IREB2: variants seen among roughly 807,000 people sequenced by gnomAD.
The protein encoded by IREB2 is iron responsive element binding protein 2.
Under a neutral mutation model 118.8 loss-of-function variants are expected in IREB2, and 39 were observed. The ratio of observed to expected loss-of-function variants is 0.33; its 90% CI spans 0.25 to 0.43. The LOEUF (loss-of-function observed/expected upper bound fraction) is 0.43, where lower values mean the gene tolerates loss of function less well. IREB2 is among the 20% of genes least tolerant of loss of function. The probability of loss-of-function intolerance (pLI) is 1.00; values close to 1 mark genes in which losing one functional copy is unlikely to be tolerated. For synonymous variants in IREB2, 372 were observed against 392.2 expected, an observed-to-expected ratio of 0.95 and a Z score of 0.61; for missense variants, 900 against 1,147.3, an observed-to-expected ratio of 0.78 and a Z score of 3.11.
chr15:78,462,105 ACT>A (rs1387260104), intron 2 of IREB2, among the ~76,000 whole-genome samples: 1 of 151,970 alleles, frequency 6.6e-6, no homozygotes, highest in Non-Finnish European at 1.5e-5. Flanking sequence ...ATGTTTTTAA[ACT>A]CTCTTTCTTA....
chr15:78,444,128 G>T (rs377643362), intron 2 of IREB2, among the ~76,000 whole-genome samples: 1 of 152,072 alleles, frequency 6.6e-6, no homozygotes. Flanking sequence ...CATGATGATA[G>T]CTCACTGGAG....
intron 2 of IREB2, among the ~76,000 whole-genome samples, chr15:78,446,419 A>G (rs1386996716): frequency 1.3e-5 from 2 of 152,072 alleles, no homozygotes; most frequent in Non-Finnish European, 2.9e-5. Flanking sequence ...GTGAAGAAGG[A>G]TTTATTGTAA....
In IREB2 at chr15:78,456,287, G is replaced by A. The variant is rs576082355; in HGVS notation, c.107-6635G>A. ...TTATTCATTTGCATCTTCCCTGGCA[G>A]TAGGTCTCTAGTCATTACTTTTACA... On this transcript the variant is annotated intron_variant, in intron 2 of 21. Coordinates refer to ENST00000258886, the MANE Select transcript of IREB2 (RefSeq NM_004136.4). Among the ~76,000 whole-genome samples the A allele has an allele frequency of 4.6e-5, 7 of 152,306 alleles. No homozygotes were observed. The East Asian group carries it at 1.2e-3, about 25-fold the overall frequency.
At chr15:78,477,494 G>C (rs557438083) in intron 9 of IREB2, among the ~76,000 whole-genome samples, 1 of 152,202 alleles carries the variant, frequency 6.6e-6, no homozygotes, top group Admixed American at 6.5e-5. Context: ...TGGTTTCTCC[G>C]TGTAGTCTGG....
At position 78,456,479 on chromosome 15, in the gene IREB2, A is replaced by G. The variant is rs75390244; in HGVS notation, c.107-6443A>G. Among the ~76,000 whole-genome samples the G allele has an allele frequency of 3.8e-3, 571 of 151,884 alleles. 23 individuals carry two copies. The East Asian group carries it at 0.095, about 25-fold the overall frequency. ...GGAGTTCGAGAACTCCCTGGGCAAC[A>G]TGGCGAAACCCTATTGCTACAAAAA... On this transcript the variant is annotated intron_variant, in intron 2 of 21. Transcript: ENST00000258886.
intron 9 of IREB2, among the ~76,000 whole-genome samples, chr15:78,477,073 C>T (rs1232503130): frequency 6.6e-6 from 1 of 152,018 alleles, no homozygotes; most frequent in African/African-American, 2.4e-5. Flanking sequence ...GTTAATCAGA[C>T]AGCAAAATTG....
At chr15:78,490,857 A>C (rs73463009) in intron 18 of IREB2, 96 bp downstream of exon 18, 6 of 1,153,760 alleles carry the variant, frequency 5.2e-6, no homozygotes, top group African/African-American at 1.6e-5. Context: ...CAGTAAATAC[A>C]TGCTATCGTA....
In IREB2 at chr15:78,438,234, C is replaced by G. The variant is rs552714324; in HGVS notation, c.-104C>G. 1.1e-6 allele frequency: 1 copy of G among 886,154 alleles called. No homozygotes were observed. The highest frequency in any genetic ancestry group is 1.7e-5 in the African/African-American group (1 of 60,536). The allele number at this position is 886,154 out of a possible 1,614,324, so 54.9% of individuals were successfully genotyped here. ...TTTGCGCGAGCCTGCTTCCTTCTTT[C>G]CTCCCTTGCCAGTCCGCCTGTCTTC... On this transcript the variant is annotated 5_prime_UTR_variant, in exon 1 of 22. Transcript: ENST00000258886.
At chr15:78,460,275 A>G (rs918527324) in intron 2 of IREB2, among the ~76,000 whole-genome samples, 2 of 152,228 alleles carry the variant, frequency 1.3e-5, no homozygotes, top group African/African-American at 4.8e-5. Flanking sequence ...TAATTCTTCT[A>G]TAACAAAGTA....
In IREB2 at chr15:78,484,711, C is replaced by T. The variant is rs757184311; in HGVS notation, c.1414-50C>T. ...CTATGTTTTCTGCCAGTCTTTTATT[C>T]TGTACATACCCAGAATATTTAGTTT... On this transcript the variant is annotated intron_variant, in intron 11 of 21. Transcript: ENST00000258886. 1.1e-5 allele frequency: 15 copies of T among 1,364,208 alleles called. No individual in the cohort carries two copies. In the South Asian group the frequency reaches 1.8e-4, roughly 16 times the overall value. 84.5% of individuals were successfully genotyped at this position (1,364,208 alleles called of 1,614,324 possible).
chr15:78,482,879 C>G (rs1269607525), intron 10 of IREB2, among the ~76,000 whole-genome samples: 2 of 151,958 alleles, frequency 1.3e-5, no homozygotes, highest in Non-Finnish European at 2.9e-5. Context: ...TCCCGAGTAG[C>G]TGGGACTACA....
At chr15:78,460,912 T>C (rs1401539969) in intron 2 of IREB2, among the ~76,000 whole-genome samples, 2 of 152,038 alleles carry the variant, frequency 1.3e-5, no homozygotes, top group African/African-American at 4.8e-5. Flanking sequence ...AGGAACAGAG[T>C]CATCCACAAT....
chr15:78,496,637 C>G lies in IREB2; in HGVS notation c.2596-489C>G, dbSNP rs140969724. Among the ~76,000 whole-genome samples, 1,193 of 152,132 alleles carry G rather than the reference C, an allele frequency of 7.8e-3. 17 individuals carry two copies. Among genetic ancestry groups the G allele is most frequent in the African/African-American group, 0.027 (1,126 of 41,506 alleles). On this transcript the variant is annotated intron_variant, in intron 20 of 21. Coordinates refer to ENST00000258886, the MANE Select transcript of IREB2 (RefSeq NM_004136.4). ...AGAGACAGGGTCTCACTATATTGCC[C>G]AGGCTGGTCTCAAACTCCCGGCCTC...
chr15:78,470,984 A>C (rs940687132), intron 6 of IREB2: 1 of 153,174 alleles, frequency 6.5e-6, no homozygotes, highest in Non-Finnish European at 1.4e-5. Flanking sequence ...GGCATGAGCC[A>C]CCGTGCCTGC....
chr15:78,457,382 T>G (rs1255436691), intron 2 of IREB2, among the ~76,000 whole-genome samples: 1 of 152,210 alleles, frequency 6.6e-6, no homozygotes, highest in Non-Finnish European at 1.5e-5. Flanking sequence ...TTTTCTGTTT[T>G]TTGTTTACTC....
At chr15:78,467,037 G>T (rs972777505) in intron 5 of IREB2, among the ~76,000 whole-genome samples, 11 of 151,524 alleles carry the variant, frequency 7.3e-5, no homozygotes, top group Admixed American at 6.6e-5. Context: ...GGCAGCACTG[G>T]TGAAACCCTG....
intron 1 of IREB2, 59 bp downstream of exon 1, chr15:78,438,415 C>G: frequency 6.4e-7 from 1 of 1,559,948 alleles, no homozygotes; most frequent in Middle Eastern, 1.7e-4. Flanking sequence ...GCCTAGGCGC[C>G]GAATTCCTTG....
At position 78,438,275 on chromosome 15, in the gene IREB2, G is replaced by A; in HGVS notation, c.-63G>A. ...GCCTGTCTTCCTCCCCGTCTTCCCT[G>A]CCCGGCCTCCCCCTTCTTCCCCCGC... On this transcript the variant is annotated 5_prime_UTR_variant, in exon 1 of 22. Coordinates refer to ENST00000258886, the MANE Select transcript of IREB2 (RefSeq NM_004136.4). 1.5e-6 allele frequency: 2 copies of A among 1,322,506 alleles called. No individual in the cohort carries two copies. The highest frequency in any genetic ancestry group is 1.1e-6 in the Non-Finnish European group (1 of 936,054). 81.9% of individuals were successfully genotyped at this position (1,322,506 alleles called of 1,614,324 possible). A position where few individuals can be genotyped will look rare whatever the true frequency, so the allele number is the denominator to read the frequency against.
chr15:78,466,092 T>G (rs2051276057), intron 4 of IREB2, among the ~76,000 whole-genome samples, 179 bp from the exon 5 acceptor site: 1 of 152,216 alleles, frequency 6.6e-6, no homozygotes, highest in African/African-American at 2.4e-5. Context: ...ATGACCTGTT[T>G]CTTTTTTTAT....
Sources: gnomAD v4.1 joint callset for allele counts (sites outside exome capture counted in the v4.1 genomes callset) on GRCh38, gnomAD v4.1.1 for gene constraint, MANE v1.5 for transcripts, NCBI Gene and HGNC (gene_info 2026-07-23, HGNC 2026-07-21) for gene names.